Variants in FRMPD4 observed in about 807,000 individuals in gnomAD.
The protein encoded by FRMPD4 is FERM and PDZ domain containing 4, also known as FERM and PDZ domain-containing protein 4.
Under a neutral mutation model 94.1 loss-of-function variants are expected in FRMPD4, and 22 were observed. The ratio of observed to expected loss-of-function variants is 0.23; its 90% CI spans 0.17 to 0.33. The LOEUF is 0.33. Ranked by LOEUF, FRMPD4 falls within the 10% of genes least tolerant of loss-of-function variation. FRMPD4 has a pLI of 1.00. For missense variants in FRMPD4, 1,111 were observed against 1,339.9 expected, an observed-to-expected ratio of 0.83 and a Z score of 2.67; for synonymous variants, 631 against 548.6, an observed-to-expected ratio of 1.15 and a Z score of -2.10.
At chrX:11,957,135 A>G (rs777713263) in intron 3 of FRMPD4, among the ~76,000 whole-genome samples, 1 of 112,412 alleles carries the variant, frequency 8.9e-6, no homozygotes, top group Non-Finnish European at 1.9e-5. Flanking sequence ...AGAACTTGTT[A>G]AAAGATAACT....
chrX:12,481,665 G>A (rs1001212146), intron 1 of FRMPD4, among the ~76,000 whole-genome samples: 8 of 109,557 alleles, frequency 7.3e-5, no homozygotes, highest in African/African-American at 2.0e-4. Context: ...ATTGGGGCCC[G>A]GCGCGGTGGC....
rs185954348 is a variant in FRMPD4, at chrX:12,116,891, G to A, written c.95+238873G>A. Among the ~76,000 whole-genome samples, 9 of 111,754 alleles carry A rather than the reference G, an allele frequency of 8.1e-5. No homozygotes were observed. The Admixed American group carries it at 8.5e-4, about 11-fold the overall frequency. On this transcript the variant is annotated intron_variant, in intron 3 of 18. Transcript: ENST00000640291. ...ATCCTCCATTTTCTTTTTTCCCTATGCCAAGTTAGTTACTAGGCCCATTAA... is the reference window on the plus strand; with the variant it reads ...ATCCTCCATTTTCTTTTTTCCCTATACCAAGTTAGTTACTAGGCCCATTAA...
At chrX:12,424,817 G>A (rs1489840430) in intron 1 of FRMPD4, among the ~76,000 whole-genome samples, 1 of 112,666 alleles carries the variant, frequency 8.9e-6, no homozygotes, top group East Asian at 2.8e-4. Flanking sequence ...AGTTTTCTGA[G>A]CATCCCTGTT....
intron 1 of FRMPD4, among the ~76,000 whole-genome samples, chrX:12,309,671 G>A (rs1237064116): frequency 8.9e-6 from 1 of 112,289 alleles, no homozygotes; most frequent in Non-Finnish European, 1.9e-5. Flanking sequence ...TTTGTTCAAT[G>A]AATTAAGGAA....
chrX:11,923,983 C>A (rs1027744020), intron 3 of FRMPD4, among the ~76,000 whole-genome samples: 1 of 111,819 alleles, frequency 8.9e-6, no homozygotes, highest in African/African-American at 3.3e-5. Context: ...GAATTAAGAT[C>A]ATCAGCTATA....
chrX:11,983,361 T>C (rs1038178778), intron 3 of FRMPD4, among the ~76,000 whole-genome samples: 2 of 111,799 alleles, frequency 1.8e-5, no homozygotes, highest in African/African-American at 6.5e-5. Context: ...ATCCTTGTCT[T>C]TATCTCCTCT....
intron 4 of FRMPD4, among the ~76,000 whole-genome samples, chrX:12,616,894 G>A (rs182236202): frequency 6.9e-4 from 77 of 112,156 alleles, no homozygotes; most frequent in Middle Eastern, 4.7e-3. Flanking sequence ...TGTGCCTGGA[G>A]GATGATAGAA....
chrX:12,559,524 C>T (rs952879298), intron 2 of FRMPD4, among the ~76,000 whole-genome samples: 3 of 110,246 alleles, frequency 2.7e-5, no homozygotes, highest in Non-Finnish European at 3.8e-5. Context: ...GTGGCAGGCA[C>T]CTGTAGTCCC....
intron 3 of FRMPD4, among the ~76,000 whole-genome samples, chrX:11,958,822 G>A (rs889092817): frequency 2.7e-5 from 3 of 111,874 alleles, no homozygotes; most frequent in Admixed American, 9.5e-5. Flanking sequence ...TCCCTCCACC[G>A]CAAATTTGGA....
intron 1 of FRMPD4, among the ~76,000 whole-genome samples, chrX:12,398,791 A>G (rs1282470188): frequency 1.8e-5 from 2 of 111,981 alleles, no homozygotes; most frequent in African/African-American, 3.2e-5. Flanking sequence ...TGTAACAACT[A>G]CTTTGCAAGG....
rs1230507568 is a variant in FRMPD4 at position 12,191,967 on chromosome X, C to CTTA, written c.41+52955_41+52956insTTA. ...TTGATAGTTGGGGAGTCTGTGTATA[C>CTTA]ATTGTAGCAGGGAATATATGGGAAA... On this transcript the variant is annotated intron_variant, in intron 1 of 16. Coordinates refer to ENST00000675598, the MANE Select transcript of FRMPD4 (RefSeq NM_001368397.1). Among the ~76,000 whole-genome samples, 60 of 111,754 alleles carry CTTA rather than the reference C, an allele frequency of 5.4e-4. 1 individual carries two copies. The South Asian group carries it at 0.022, about 41-fold the overall frequency.
At chrX:11,827,087 A>AT (rs58743575) in intron 1 of FRMPD4, among the ~76,000 whole-genome samples, 6,529 of 82,991 alleles carry the variant, frequency 0.079, 243 homozygotes, top group African/African-American at 0.12. Flanking sequence ...TATATATATA[A>AT]AATATATATG....
At chrX:12,422,215 A>G (rs1453677075) in intron 1 of FRMPD4, among the ~76,000 whole-genome samples, 1 of 112,052 alleles carries the variant, frequency 8.9e-6, no homozygotes, top group Admixed American at 9.5e-5. Context: ...TCAGCTCATT[A>G]TCTGGCAAAG....
At chrX:12,395,995 T>C (rs778890519) in intron 1 of FRMPD4, 57 of 163,436 alleles carry the variant, frequency 3.5e-4, no homozygotes, top group Non-Finnish European at 6.3e-4. Flanking sequence ...TTTTTAAGCA[T>C]GTGCAGCAAA....
At chrX:12,165,525 C>T (rs1337827270) in intron 1 of FRMPD4, among the ~76,000 whole-genome samples, 1 of 111,796 alleles carries the variant, frequency 8.9e-6, no homozygotes, top group Non-Finnish European at 1.9e-5. Flanking sequence ...ATTGACTTGG[C>T]AATGTAGGCT....
intron 3 of FRMPD4, among the ~76,000 whole-genome samples, chrX:12,064,359 G>A (rs1005030524): frequency 3.6e-5 from 4 of 111,749 alleles, no homozygotes; most frequent in African/African-American, 1.3e-4. Context: ...TGGCAGCAGG[G>A]GAAAATTCAT....
rs142900423 is a variant in FRMPD4, at chrX:12,638,902, C to T, written c.422+24021C>T. Among the ~76,000 whole-genome samples, 464 of 111,272 alleles carry T rather than the reference C, an allele frequency of 4.2e-3. 7 individuals carry two copies. The highest frequency in any genetic ancestry group is 0.041 in the Admixed American group (431 of 10,406). On this transcript the variant is annotated intron_variant, in intron 4 of 16. Coordinates refer to ENST00000675598, the MANE Select transcript of FRMPD4 (RefSeq NM_001368397.1). ...GTGCTTGATCCTCACCACTCTACTT[C>T]GGTGGCTCCCACGCTGGCCATTATG... is the stretch of plus-strand genomic sequence containing the variant.
At chrX:11,841,118 T>C (rs1439314293) in intron 1 of FRMPD4, among the ~76,000 whole-genome samples, 1 of 110,101 alleles carries the variant, frequency 9.1e-6, no homozygotes, top group Non-Finnish European at 1.9e-5. Flanking sequence ...GGTGTATATG[T>C]GCCACATTTT....
chrX:12,414,750 CATT>C (rs1302774139), intron 1 of FRMPD4, among the ~76,000 whole-genome samples: 1 of 111,893 alleles, frequency 8.9e-6, no homozygotes, highest in Non-Finnish European at 1.9e-5. Context: ...ATTGAGAACT[CATT>C]ATGTTCTGAA....
Sources: allele counts gnomAD v4.1 joint callset (sites outside exome capture counted in the v4.1 genomes callset), GRCh38; gene constraint gnomAD v4.1.1; transcripts MANE v1.5; gene names NCBI Gene and HGNC (gene_info 2026-07-23, HGNC 2026-07-21).